The following SMG6 variants were observed in gnomAD, a reference collection of about 807,000 sequenced individuals.
The protein encoded by SMG6 is SMG6 nonsense mediated mRNA decay factor, also known as telomerase-binding protein EST1A.
In SMG6, 66 loss-of-function variants were observed where a neutral mutation model predicts 142.2. The ratio of observed to expected loss-of-function variants is 0.46; its 90% CI spans 0.38 to 0.57. The LOEUF (loss-of-function observed/expected upper bound fraction) is 0.57. Among genes scored for constraint, SMG6 ranks in the 20% least tolerant of loss-of-function variants. SMG6 has a pLI of 0.00. For missense variants in SMG6, 1,793 were observed against 1,832.0 expected (o/e 0.98, Z 0.39); for synonymous variants, 779 against 702.4 (o/e 1.11, Z -1.72).
intron 10 of SMG6, among the ~76,000 whole-genome samples, chr17:2,204,193 G>A (rs758254584): frequency 6.6e-6 from 1 of 152,158 alleles, no homozygotes; most frequent in Non-Finnish European, 1.5e-5. Flanking sequence ...TCCGAGATAG[G>A]TGAGACAGAA....
At chr17:2,249,001 C>A (rs1019055484) in intron 8 of SMG6, among the ~76,000 whole-genome samples, 1 of 151,898 alleles carries the variant, frequency 6.6e-6, no homozygotes, top group Non-Finnish European at 1.5e-5. Flanking sequence ...ATTCTCCTGT[C>A]TCAGCCTCCC....
In SMG6 at chr17:2,278,204, CTT is replaced by C. The variant is rs36078137; in HGVS notation, c.2661+4441_2661+4442del. Among the ~76,000 whole-genome samples, 391 of 140,700 alleles carry C rather than the reference CTT, an allele frequency of 2.8e-3. 2 individuals are homozygous for C. The highest frequency in any genetic ancestry group is 5.0e-3 in the African/African-American group (194 of 38,742). 92.3% of individuals were successfully genotyped at this position (140,700 alleles called of 152,430 possible). A position where few individuals can be genotyped will look rare whatever the true frequency, so the allele number is the denominator to read the frequency against. ...ACAAGTGACTGCCACTTTATATATA[CTT>C]TTTTTTTTTTTTTTGAGACAAAGTC... On this transcript the variant is annotated intron_variant, in intron 8 of 18. Coordinates refer to ENST00000263073, the MANE Select transcript of SMG6 (RefSeq NM_017575.5).
intron 13 of SMG6, among the ~76,000 whole-genome samples, chr17:2,167,569 C>G (rs761460720): frequency 6.6e-6 from 1 of 152,218 alleles, no homozygotes; most frequent in Non-Finnish European, 1.5e-5. Flanking sequence ...ACCAGCTCAA[C>G]AAAACTCAAG....
chr17:2,224,319 T>C (rs1045441337), intron 10 of SMG6, among the ~76,000 whole-genome samples: 1 of 152,124 alleles, frequency 6.6e-6, no homozygotes, highest in Non-Finnish European at 1.5e-5. Flanking sequence ...TTATGGAGTC[T>C]CTAAAATGCC....
intron 16 of SMG6, among the ~76,000 whole-genome samples, chr17:2,066,652 TACACACACACACACACACAC>T (rs1161956483): frequency 8.4e-6 from 1 of 119,490 alleles, no homozygotes; most frequent in African/African-American, 3.2e-5. Flanking sequence ...CATGTGGGAA[TACACACACACACACACACAC>T]ACACACACAC....
At chr17:2,158,632 G>A (rs765752154) in intron 13 of SMG6, among the ~76,000 whole-genome samples, 21 of 152,218 alleles carry the variant, frequency 1.4e-4, no homozygotes, top group East Asian at 5.8e-4. Flanking sequence ...AAATTCCACC[G>A]GAAGGCTAAG....
At position 2,299,175 on chromosome 17, in the gene SMG6, G is replaced by A. The variant is rs1323947603; in HGVS notation, c.1578C>T (p.Asn526=). 7 of 1,613,328 alleles carry A rather than the reference G, an allele frequency of 4.3e-6. No homozygotes were observed. Among genetic ancestry groups the A allele is most frequent in the African/African-American group, 1.3e-5 (1 of 75,014 alleles). The change falls in exon 2 of 19, where the codon AAC becomes AAT. Residue 526 remains asparagine, a synonymous_variant. Coordinates refer to ENST00000263073, the MANE Select transcript of SMG6 (RefSeq NM_017575.5). The surrounding 1 kb of genome is among the most constrained non-coding windows in gnomAD (Gnocchi z 4.3). ...TAGGGCCCACTGGGTACTGTAGAGG[G>A]TTATAGCCCGTATAGGGATACTGGG... ...PASQYPYTGY[N]PLQYPVGPTN... is the part of the protein sequence containing the mutation.
At chr17:2,255,400 T>G (rs1251123216) in intron 8 of SMG6, among the ~76,000 whole-genome samples, 2 of 38,024 alleles carry the variant, frequency 5.3e-5, no homozygotes, top group Admixed American at 5.1e-4. Context: ...CGAGACTCCG[T>G]CTCAAAAAAA....
At chr17:2,253,164 T>TG (rs1160640002) in intron 8 of SMG6, among the ~76,000 whole-genome samples, 1 of 145,106 alleles carries the variant, frequency 6.9e-6, no homozygotes, top group Non-Finnish European at 1.5e-5. Flanking sequence ...TATTTTGAGA[T>TG]GGAGTCTCGC....
At chr17:2,258,558 A>AC (rs1303030956) in intron 8 of SMG6, among the ~76,000 whole-genome samples, 1 of 142,608 alleles carries the variant, frequency 7.0e-6, no homozygotes, top group African/African-American at 2.8e-5. Context: ...CTCTGTCTCA[A>AC]AAAAAAAAAA....
chr17:2,296,780 G>C (rs2075151135), intron 4 of SMG6, among the ~76,000 whole-genome samples: 1 of 152,110 alleles, frequency 6.6e-6, no homozygotes. Flanking sequence ...GCTCACCGAA[G>C]GTCAGAAGTT....
chr17:2,112,914 T>C (rs1372158480), intron 13 of SMG6, among the ~76,000 whole-genome samples: 1 of 151,786 alleles, frequency 6.6e-6, no homozygotes, highest in Non-Finnish European at 1.5e-5. Flanking sequence ...TGCGTCACCA[T>C]GCCTGACTAA....
chr17:2,254,570 A>G (rs1022138274), intron 8 of SMG6, among the ~76,000 whole-genome samples: 3 of 152,128 alleles, frequency 2.0e-5, no homozygotes, highest in Admixed American at 6.5e-5. Flanking sequence ...TCTGGCCTCA[A>G]GTGATCTGCC....
intron 8 of SMG6, among the ~76,000 whole-genome samples, chr17:2,256,951 G>GGTATGTAT (rs66868460): frequency 1.3e-4 from 20 of 151,330 alleles, no homozygotes; most frequent in Admixed American, 4.6e-4. Context: ...CCCAGACAAA[G>GGTATGTAT]GTATGTATGT....
intron 8 of SMG6, among the ~76,000 whole-genome samples, chr17:2,279,776 C>T (rs1364098584): frequency 6.6e-6 from 1 of 152,206 alleles, no homozygotes; most frequent in East Asian, 1.9e-4. Context: ...ACTTCTCACA[C>T]TCTAGACTCC....
chr17:2,188,709 A>G (rs190396494), intron 10 of SMG6, among the ~76,000 whole-genome samples, 194 bp from the exon 11 acceptor site: 102 of 152,304 alleles, frequency 6.7e-4, no homozygotes, highest in South Asian at 2.1e-4. Context: ...TATGTGTTTG[A>G]TAAGATGATA....
chr17:2,217,762 G>A (rs933572976), intron 10 of SMG6, among the ~76,000 whole-genome samples: 1 of 151,950 alleles, frequency 6.6e-6, no homozygotes, highest in Non-Finnish European at 1.5e-5. Flanking sequence ...TGCAATCCTG[G>A]CACTTTGGGA....
intron 12 of SMG6, among the ~76,000 whole-genome samples, chr17:2,175,483 T>C (rs572326339): frequency 6.6e-6 from 1 of 152,132 alleles, no homozygotes; most frequent in South Asian, 2.1e-4. Flanking sequence ...TGTGGTACCA[T>C]GTGGTTCTCA....
At chr17:2,282,934 GC>G in intron 7 of SMG6, 75 bp from the exon 8 acceptor site, 1 of 1,401,746 alleles carries the variant, frequency 7.1e-7, no homozygotes. Flanking sequence ...ACTTAGAGAT[GC>G]GGAGGCAGGC....
Sources: allele counts gnomAD v4.1 joint callset (sites outside exome capture counted in the v4.1 genomes callset), GRCh38; gene constraint gnomAD v4.1.1; non-coding constraint Gnocchi (gnomAD v3.1); transcripts MANE v1.5; gene names NCBI Gene and HGNC (gene_info 2026-07-23, HGNC 2026-07-21).